The following AGRN variants were observed in gnomAD, a reference collection of about 807,000 sequenced individuals.
AGRN encodes the protein agrin.
Under a neutral mutation model 211.0 loss-of-function variants are expected in AGRN, and 106 were observed. That is an observed-to-expected ratio of 0.50 (90% CI 0.43 to 0.59). The LOEUF (loss-of-function observed/expected upper bound fraction) is 0.59. Among genes scored for constraint, AGRN ranks in the 20% least tolerant of loss-of-function variants. AGRN has a pLI of 0.00. For missense variants in AGRN, 3,040 were observed against 2,982.6 expected (o/e 1.02, Z -0.45); for synonymous variants, 1,525 against 1,332.5 (o/e 1.14, Z -3.15).
intron 33 of AGRN, 61 bp from the exon 34 acceptor site, chr1:1,053,692 C>T (rs1005479819): frequency 1.3e-6 from 2 of 1,532,054 alleles, no homozygotes; most frequent in Admixed American, 2.0e-5. Flanking sequence ...GTCCTCCCGC[C>T]TCCCCCACCC....
rs367740081 is a variant in AGRN, at chr1:1,028,372, A to G, written c.463+5910A>G. The stretch of plus-strand genomic sequence containing the variant: ...TGGCTGGCGGCACCTGTGGGCACTG[A>G]CCACTCCACGCCAGCTGTTTTCCTT... On this transcript the variant is annotated intron_variant, in intron 2 of 35. Coordinates refer to ENST00000379370, the MANE Select transcript of AGRN (RefSeq NM_198576.4). 1.0e-4 allele frequency among the ~76,000 whole-genome samples: 11 copies of G among 108,030 alleles called. No homozygotes were observed. The East Asian group carries it at 2.2e-3, about 22-fold the overall frequency. The allele number at this position is 108,030 out of a possible 152,430, so 70.9% of individuals were successfully genotyped here. A position where few individuals can be genotyped will look rare whatever the true frequency, so the allele number is the denominator to read the frequency against.
At chr1:1,033,934 C>T (rs1318530998) in intron 2 of AGRN, among the ~76,000 whole-genome samples, 1 of 151,742 alleles carries the variant, frequency 6.6e-6, no homozygotes, top group African/African-American at 2.4e-5. Context: ...GCCGGGGTCC[C>T]TGGAGGCGGC....
In AGRN at chr1:1,053,905, G is replaced by A. The variant is rs1234155332; in HGVS notation, c.5804G>A (p.Gly1935Asp). 2 of 1,607,996 alleles carry A rather than the reference G, an allele frequency of 1.2e-6. No individual in the cohort carries two copies. The highest frequency in any genetic ancestry group is 1.7e-6 in the Non-Finnish European group (2 of 1,178,072). The change falls in exon 34 of 36, where the codon GGC (glycine) becomes GAC (aspartate). Residue 1935 changes from glycine (G) to aspartate (D), a missense_variant. Physicochemically the swap from Gly to Asp is moderately conservative, Grantham distance 94. Around this residue, in one of 3 missense-constraint regions of AGRN, gnomAD observed 1,537 missense variants for 1,505.0 expected, o/e 1.02. Transcript: ENST00000379370. The part of the protein sequence containing the change: ...DGHLQLSYNL[G>D]SQPVVLRSTV... The stretch of plus-strand genomic sequence containing the variant: ...CACCTGCAACTGAGCTACAACCTGG[G>A]CTCCCAGCCCGTGGTGCTGCGTTCC...
At position 1,051,821 on chromosome 1, in the gene AGRN, G is replaced by T; in HGVS notation, c.5651+6G>T. On this transcript the variant is annotated splice_donor_region_variant and intron_variant, in intron 33 of 35. Coordinates refer to ENST00000379370, the MANE Select transcript of AGRN (RefSeq NM_198576.4). Reference sequence around the variant, plus strand: ...CTCAACGCTGTGACCGAGAGGTAACGTGCCATCCTCTGCTGGCTGTCGGTT... The same window carrying T: ...CTCAACGCTGTGACCGAGAGGTAACTTGCCATCCTCTGCTGGCTGTCGGTT... 1 of 1,613,464 alleles carries T rather than the reference G, an allele frequency of 6.2e-7. No homozygotes were observed. The highest frequency in any genetic ancestry group is 8.5e-7 in the Non-Finnish European group (1 of 1,179,888).
intron 14 of AGRN, 22 bp downstream of exon 14, chr1:1,045,545 T>C (rs771347442): frequency 6.2e-7 from 1 of 1,611,462 alleles, no homozygotes; most frequent in Non-Finnish European, 8.5e-7. Flanking sequence ...GGCCCAGGAC[T>C]GGCCACCGGC....
intron 3 of AGRN, 123 bp downstream of exon 3, chr1:1,035,447 G>A: frequency 1.5e-6 from 2 of 1,331,048 alleles, no homozygotes; most frequent in South Asian, 1.2e-5. Flanking sequence ...GCTGGACAAG[G>A]GCACCTGCGT....
rs572261141 is a variant in AGRN at position 1,046,846 on chromosome 1, G to C, written c.3277G>C (p.Val1093Leu). The C allele has an allele frequency of 6.3e-7, 1 of 1,586,642 alleles. No individual in the cohort carries two copies. Among genetic ancestry groups the C allele is most frequent in the South Asian group, 1.1e-5 (1 of 87,452 alleles). ...GCTCGAGCCCTTGGAGGGCAGCAGC[G>C]TGGCCACCCCTGGGCCACCTGTCGA... ...GGLEPLEGSSVATPGPPVERA... is the reference protein window; with the variant it reads ...GGLEPLEGSSLATPGPPVERA... The change falls in exon 19 of 36, where the codon GTG becomes CTG. Residue 1093 changes from valine to leucine, a missense_variant. Around this residue, in one of 3 missense-constraint regions of AGRN, gnomAD observed 1,537 missense variants for 1,505.0 expected, o/e 1.02. Coordinates refer to ENST00000379370, the MANE Select transcript of AGRN (RefSeq NM_198576.4).
intron 7 of AGRN, 66 bp from the exon 8 acceptor site, chr1:1,043,173 G>T: frequency 1.3e-6 from 2 of 1,522,086 alleles, no homozygotes; most frequent in Non-Finnish European, 8.9e-7. Context: ...GCTGCGTGGG[G>T]CTGGGGGCTT....
chr1:1,032,367 C>T lies in AGRN; in HGVS notation c.464-2910C>T, dbSNP rs963522650. ...GAGGGAGCTGGCAAGACAGGACCTT[C>T]CCAGCTAAGGTGGGGTTGGTGGGAT... On this transcript the variant is annotated intron_variant, in intron 2 of 35. Coordinates refer to ENST00000379370, the MANE Select transcript of AGRN (RefSeq NM_198576.4). The surrounding 1 kb of genome is among the most constrained non-coding windows in gnomAD (Gnocchi z 4.7). 2.6e-5 allele frequency among the ~76,000 whole-genome samples: 4 copies of T among 152,148 alleles called. No homozygotes were observed. Among genetic ancestry groups the T allele is most frequent in the African/African-American group, 9.7e-5 (4 of 41,420 alleles).
chr1:1,043,637 G>T lies in AGRN; in HGVS notation c.1703G>T (p.Gly568Val). The T allele has an allele frequency of 6.2e-7, 1 of 1,602,658 alleles. No individual in the cohort carries two copies. Reference sequence around the variant, plus strand: ...GTGGCTTTGGCCCAGCCCGTGTGTGGCTCCGACGGGCACACGTACCCCAGC... The same window carrying T: ...GTGGCTTTGGCCCAGCCCGTGTGTGTCTCCGACGGGCACACGTACCCCAGC... ...ECVALAQPVC[G>V]SDGHTYPSEC... Residue 568 changes from glycine (G) to valine (V), a missense_variant, in exon 9 of 36, where the codon GGC (glycine) becomes GTC (valine). Gly to Val is a moderately radical substitution (Grantham distance 109). Coordinates refer to ENST00000379370, the MANE Select transcript of AGRN (RefSeq NM_198576.4).
rs1192208013 is a variant in AGRN, at chr1:1,050,430, G to A, written c.4980G>A (p.Glu1660=). ...CCCCGACTCCCCATGACCCCAGGGA[G>A]AAGATGGCGCTGGAGGTCGTGTTCC... is the stretch of plus-strand genomic sequence containing the variant. ...GLHTFARDLG[E]KMALEVVFLA... is the part of the protein sequence containing the mutation. The change falls in exon 29 of 36, where the codon GAG becomes GAA. Residue 1660 remains glutamate, a synonymous_variant. Coordinates refer to ENST00000379370, the MANE Select transcript of AGRN (RefSeq NM_198576.4). The A allele has an allele frequency of 6.2e-7, 1 of 1,612,924 alleles. No individual in the cohort carries two copies. Among genetic ancestry groups the A allele is most frequent in the Admixed American group, 1.7e-5 (1 of 59,990 alleles).
In AGRN at chr1:1,027,610, T is replaced by G. The variant is rs767753689; in HGVS notation, c.463+5148T>G. On this transcript the variant is annotated intron_variant, in intron 2 of 35. Transcript: ENST00000379370. ...GATGACCAGTGTGGTTTCTGAAGGT[T>G]TGAGATGAAGGCATGCTGGGTCCCT... is the stretch of plus-strand genomic sequence containing the variant. 7.9e-5 allele frequency among the ~76,000 whole-genome samples: 12 copies of G among 152,316 alleles called. No homozygotes were observed. The South Asian group carries it at 8.3e-4, about 11-fold the overall frequency.
chr1:1,050,916 G>T, intron 30 of AGRN, 79 bp downstream of exon 30: 1 of 1,529,224 alleles, frequency 6.5e-7, no homozygotes, highest in Non-Finnish European at 8.8e-7. Context: ...CCCTGCCGGC[G>T]CTCACGGAGC....
At position 1,049,413 on chromosome 1, in the gene AGRN, C is replaced by A; in HGVS notation, c.4476C>A (p.Asp1492Glu). The stretch of plus-strand genomic sequence containing the variant: ...CCGACGGCCTCAACCTGGACACAGA[C>A]CTCTTTGTGGGCGGCGTACCCGAGG... The part of the protein sequence containing the change: ...SGTDGLNLDT[D>E]LFVGGVPEDQ... Residue 1492 changes from aspartate to glutamate, a missense_variant, in exon 25 of 36, where the codon GAC becomes GAA. Physicochemically the swap from Asp to Glu is conservative, Grantham distance 45. Coordinates refer to ENST00000379370, the MANE Select transcript of AGRN (RefSeq NM_198576.4). The A allele has an allele frequency of 6.3e-7, 1 of 1,599,198 alleles. No homozygotes were observed. Among genetic ancestry groups the A allele is most frequent in the Non-Finnish European group, 8.5e-7 (1 of 1,179,742 alleles).
chr1:1,054,006 T>C (rs758030299), intron 34 of AGRN, 29 bp downstream of exon 34: 27 of 1,563,998 alleles, frequency 1.7e-5, no homozygotes, highest in South Asian at 3.5e-5. Context: ...GTGCCGAGAA[T>C]AGTGGCGAGG....
At chr1:1,052,698 A>G (rs995975088) in intron 33 of AGRN, 1 of 153,812 alleles carries the variant, frequency 6.5e-6, no homozygotes. Flanking sequence ...ACATGGGTCC[A>G]TGTATGTGTG....
chr1:1,025,109 C>T (rs1035711622), intron 2 of AGRN, among the ~76,000 whole-genome samples: 8 of 152,174 alleles, frequency 5.3e-5, no homozygotes, highest in African/African-American at 1.7e-4. Flanking sequence ...CCAGGCCGCC[C>T]GGGGCCCATC....
intron 1 of AGRN, 40 bp from the exon 2 acceptor site, chr1:1,022,161 A>C: frequency 6.2e-7 from 1 of 1,612,418 alleles, no homozygotes. Context: ...CCCCTTCCCC[A>C]GGAGAGGACT....
In AGRN at chr1:1,049,396, C is replaced by T; in HGVS notation, c.4459C>T (p.Leu1487Phe). ...LGESPSGTDG[L>F]NLDTDLFVGG... ...CGAGAGTCCCAGTGGCACCGACGGCCTCAACCTGGACACAGACCTCTTTGT... is the reference window on the plus strand; with the variant it reads ...CGAGAGTCCCAGTGGCACCGACGGCTTCAACCTGGACACAGACCTCTTTGT... Residue 1487 changes from leucine to phenylalanine, a missense_variant, in exon 25 of 36, where the codon CTC (leucine) becomes TTC (phenylalanine). By Grantham distance (22) the Leu-to-Phe change is conservative. This residue lies in a region of AGRN where 1,537 missense variants were observed against 1,505.0 expected (regional missense o/e 1.02). Transcript: ENST00000379370. 2 of 1,599,060 alleles carry T rather than the reference C, an allele frequency of 1.3e-6. No individual in the cohort carries two copies. Among genetic ancestry groups the T allele is most frequent in the Non-Finnish European group, 8.5e-7 (1 of 1,179,746 alleles).
Sources: gnomAD v4.1 joint callset for allele counts (sites outside exome capture counted in the v4.1 genomes callset) on GRCh38, gnomAD v4.1.1 for gene constraint, gnomAD v4.1.1 regional missense constraint, Gnocchi (gnomAD v3.1) non-coding constraint, MANE v1.5 for transcripts, NCBI Gene and HGNC (gene_info 2026-07-23, HGNC 2026-07-21) for gene names.